The following LHCGR variants were observed in gnomAD, a reference collection of about 807,000 sequenced individuals.
LHCGR encodes lutropin-choriogonadotropic hormone receptor.
A neutral mutation model predicts 60.7 loss-of-function variants in LHCGR; 55 were observed. That is an observed-to-expected ratio of 0.91 (90% CI 0.73 to 1.13). The LOEUF is 1.13. Among genes scored for constraint, LHCGR ranks in the 50% most tolerant of loss-of-function variants. The pLI, the probability that LHCGR is intolerant of heterozygous loss-of-function variation, is 0.00. For synonymous variants in LHCGR, 337 were observed against 316.5 expected (o/e 1.06, Z -0.69); for missense variants, 862 against 836.0 (o/e 1.03, Z -0.38).
chr2:48,710,083 A>G (rs146350304), intron 7 of LHCGR, among the ~76,000 whole-genome samples: 42 of 152,292 alleles, frequency 2.8e-4, no homozygotes, highest in African/African-American at 9.6e-4. Flanking sequence ...CCCCGCCTTC[A>G]TTGCTGTTTA....
intron 6 of LHCGR, among the ~76,000 whole-genome samples, chr2:48,718,862 G>A (rs577888415): frequency 1.4e-3 from 209 of 152,298 alleles, no homozygotes; most frequent in Non-Finnish European, 2.4e-3. Flanking sequence ...GGGGTTCATA[G>A]TCTCTATAGC....
At chr2:48,750,955 C>CCAATTGT (rs1669929547) in intron 1 of LHCGR, among the ~76,000 whole-genome samples, 1 of 152,200 alleles carries the variant, frequency 6.6e-6, no homozygotes, top group African/African-American at 2.4e-5. Context: ...TTATCTGGCC[C>CCAATTGT]CAATTGTCAA....
chr2:48,709,630 G>C (rs776377197), intron 7 of LHCGR, among the ~76,000 whole-genome samples: 10 of 152,186 alleles, frequency 6.6e-5, no homozygotes, highest in Non-Finnish European at 1.0e-4. Flanking sequence ...TCATCGCCAG[G>C]TGTATGTGTG....
At chr2:48,722,155 A>T (rs950484477) in intron 6 of LHCGR, among the ~76,000 whole-genome samples, 1 of 152,310 alleles carries the variant, frequency 6.6e-6, no homozygotes, top group Non-Finnish European at 1.5e-5. Flanking sequence ...TTGCAATAAA[A>T]TAAAATATGC....
chr2:48,735,092 A>G, intron 1 of LHCGR, among the ~76,000 whole-genome samples: 1 of 152,266 alleles, frequency 6.6e-6, no homozygotes, highest in East Asian at 1.9e-4. Context: ...TGCCTTTGCC[A>G]CAGATGTTGA....
At chr2:48,711,684 C>G (rs1301509136) in intron 7 of LHCGR, among the ~76,000 whole-genome samples, 1 of 152,122 alleles carries the variant, frequency 6.6e-6, no homozygotes, top group East Asian at 1.9e-4. Context: ...TTATTTTGCT[C>G]TTGCTTCTCT....
At chr2:48,728,404 G>A (rs147711794) in intron 3 of LHCGR, among the ~76,000 whole-genome samples, 1 of 152,290 alleles carries the variant, frequency 6.6e-6, no homozygotes, top group African/African-American at 2.4e-5. Flanking sequence ...AAACTCCAAA[G>A]TAGGTAAAGT....
At chr2:48,731,348 C>T in intron 1 of LHCGR, 50 bp from the exon 2 acceptor site, 2 of 1,325,120 alleles carry the variant, frequency 1.5e-6, no homozygotes, top group Non-Finnish European at 2.2e-6. Context: ...TGATAGGGTG[C>T]CTTTTAAGTT....
intron 10 of LHCGR, among the ~76,000 whole-genome samples, chr2:48,693,023 C>T (rs554547483): frequency 6.6e-6 from 1 of 152,128 alleles, no homozygotes; most frequent in Non-Finnish European, 1.5e-5. Context: ...GGTTTAAAGT[C>T]TTCCTTCCCC....
chr2:48,722,850 GT>G (rs923802945), intron 6 of LHCGR, among the ~76,000 whole-genome samples: 3 of 152,346 alleles, frequency 2.0e-5, no homozygotes, highest in African/African-American at 7.2e-5. Flanking sequence ...ATGGCTCATA[GT>G]TTGAATAGTG....
intron 1 of LHCGR, among the ~76,000 whole-genome samples, chr2:48,747,041 G>T (rs1449886028): frequency 6.6e-6 from 1 of 151,788 alleles, no homozygotes; most frequent in Non-Finnish European, 1.5e-5. Context: ...GTAAAAGTTG[G>T]TTGCAACTGA....
intron 1 of LHCGR, among the ~76,000 whole-genome samples, chr2:48,739,208 T>C (rs1463660466): frequency 1.3e-5 from 2 of 152,216 alleles, no homozygotes; most frequent in African/African-American, 4.8e-5. Context: ...TTTTACACTG[T>C]TGGTGGGACT....
intron 6 of LHCGR, among the ~76,000 whole-genome samples, chr2:48,718,342 G>T (rs557957600): frequency 1.1e-3 from 166 of 152,286 alleles, no homozygotes; most frequent in Non-Finnish European, 2.0e-3. Context: ...AATCACAGAT[G>T]ATACTCTAAT....
intron 6 of LHCGR, among the ~76,000 whole-genome samples, chr2:48,718,233 T>C (rs1316681559): frequency 1.3e-5 from 2 of 152,196 alleles, no homozygotes; most frequent in Non-Finnish European, 2.9e-5. Context: ...TGTACCTAAC[T>C]TTAAAGCATT....
At chr2:48,734,893 C>T (rs1669149954) in intron 1 of LHCGR, among the ~76,000 whole-genome samples, 1 of 152,204 alleles carries the variant, frequency 6.6e-6, no homozygotes, top group South Asian at 2.1e-4. Flanking sequence ...ATTAGGGTTA[C>T]TGGGAAAATA....
intron 6 of LHCGR, chr2:48,721,619 A>C: frequency 4.3e-6 from 2 of 460,122 alleles, no homozygotes; most frequent in Non-Finnish European, 8.9e-6. Flanking sequence ...CACCAAGGAT[A>C]CCAATTTTTA....
intron 1 of LHCGR, among the ~76,000 whole-genome samples, chr2:48,732,588 T>A (rs1669045259): frequency 1.3e-5 from 2 of 152,102 alleles, no homozygotes; most frequent in Non-Finnish European, 2.9e-5. Flanking sequence ...TGAACAAGGT[T>A]ACAACGAGGC....
At chr2:48,752,984 G>GGGGT (rs1553400354) in intron 1 of LHCGR, among the ~76,000 whole-genome samples, 1 of 94,196 alleles carries the variant, frequency 1.1e-5, no homozygotes, top group African/African-American at 4.3e-5. Context: ...ATTTTGGCGG[G>GGGGT]GGGGGGGGGG....
intron 10 of LHCGR, among the ~76,000 whole-genome samples, chr2:48,691,257 G>T (rs1025439945): frequency 6.6e-6 from 1 of 152,138 alleles, no homozygotes; most frequent in Non-Finnish European, 1.5e-5. Flanking sequence ...TCAGTGAGTG[G>T]AGGAGATAAT....
Sources: allele counts gnomAD v4.1 joint callset (sites outside exome capture counted in the v4.1 genomes callset), GRCh38; gene constraint gnomAD v4.1.1; transcripts MANE v1.5; gene names NCBI Gene and HGNC (gene_info 2026-07-23, HGNC 2026-07-21).